Variants in LRMDA observed in about 807,000 individuals in gnomAD.
LRMDA encodes the protein leucine rich melanocyte differentiation associated, also known as leucine-rich melanocyte differentiation-associated protein.
A neutral mutation model predicts 29.8 loss-of-function variants in LRMDA; 18 were observed. The observed-to-expected ratio is 0.60, with a 90% CI of 0.42 to 0.90. The LOEUF is 0.90. Ranked by LOEUF, LRMDA falls within the 40% of genes least tolerant of loss-of-function variation. The pLI is 0.00. For missense variants in LRMDA, 273 were observed against 273.9 expected (o/e 1.00, Z 0.02); for synonymous variants, 125 against 109.4 (o/e 1.14, Z -0.89).
At chr10:75,551,205 A>G (rs1327494502) in intron 2 of LRMDA, among the ~76,000 whole-genome samples, 3 of 150,018 alleles carry the variant, frequency 2.0e-5, no homozygotes, top group Non-Finnish European at 4.4e-5. Context: ...AGGATGTTCC[A>G]CAGAAATAGA....
intron 2 of LRMDA, among the ~76,000 whole-genome samples, chr10:75,535,382 T>C: frequency 6.8e-6 from 1 of 146,606 alleles, no homozygotes; most frequent in South Asian, 2.1e-4. Context: ...ACTTACTTCT[T>C]ATTTATTTAT....
intron 6 of LRMDA, among the ~76,000 whole-genome samples, chr10:76,432,590 C>T (rs1293434990): frequency 6.6e-6 from 1 of 152,138 alleles, no homozygotes; most frequent in Non-Finnish European, 1.5e-5. Flanking sequence ...CCATTTTTAT[C>T]CATTCAATAC....
intron 2 of LRMDA, among the ~76,000 whole-genome samples, chr10:75,660,308 CT>C (rs1398362757): frequency 2.0e-5 from 3 of 152,196 alleles, no homozygotes; most frequent in Non-Finnish European, 4.4e-5. Context: ...GCACAATGAA[CT>C]TCAAAACCTA....
intron 2 of LRMDA, chr10:75,451,216 G>A (rs747609733): frequency 7.9e-5 from 12 of 152,172 alleles, no homozygotes; most frequent in Non-Finnish European, 1.5e-4. Flanking sequence ...TAATAATTGC[G>A]AAATCCTGTA....
Position 75,459,794 on chromosome 10 carries a change from C to G in LRMDA, c.131+21300C>G, listed in dbSNP as rs76176087. Among the ~76,000 whole-genome samples the G allele has an allele frequency of 2.9e-3, 449 of 152,270 alleles. 6 individuals carry two copies. The highest frequency in any genetic ancestry group is 0.01 in the African/African-American group (436 of 41,546). On this transcript the variant is annotated intron_variant, in intron 2 of 6. Transcript: ENST00000611255. ...GCTGCATCTGATGAGGGCCTTCTTG[C>G]TACATCATCGCATGGTGGAAGTGCA...
chr10:76,540,046 C>T (rs777357808), intron 6 of LRMDA, among the ~76,000 whole-genome samples: 13 of 151,828 alleles, frequency 8.6e-5, no homozygotes, highest in Non-Finnish European at 1.5e-4. Context: ...GATACACACA[C>T]GAAGTAGACA....
chr10:76,465,426 A>G (rs956100135), intron 6 of LRMDA, among the ~76,000 whole-genome samples: 3 of 152,144 alleles, frequency 2.0e-5, no homozygotes, highest in Non-Finnish European at 4.4e-5. Context: ...CACTACTGCC[A>G]TAAGAACCAA....
chr10:76,164,487 C>T (rs1850699689), intron 5 of LRMDA, among the ~76,000 whole-genome samples: 1 of 152,028 alleles, frequency 6.6e-6, no homozygotes, highest in African/African-American at 2.4e-5. Flanking sequence ...TTTGTTTTTA[C>T]ATATGAGCTA....
intron 2 of LRMDA, among the ~76,000 whole-genome samples, chr10:75,595,728 C>A (rs1840778580): frequency 6.6e-6 from 1 of 151,500 alleles, no homozygotes. Context: ...ATTTTTAACA[C>A]AAACTAGATG....
At chr10:76,018,723 A>ATATG (rs1554841038) in intron 2 of LRMDA, among the ~76,000 whole-genome samples, 1 of 151,266 alleles carries the variant, frequency 6.6e-6, no homozygotes, top group Non-Finnish European at 1.5e-5. Flanking sequence ...GTGCGCCACC[A>ATATG]TGTGCAGCTG....
intron 2 of LRMDA, among the ~76,000 whole-genome samples, chr10:75,971,977 T>G (rs776590724): frequency 6.6e-6 from 1 of 152,216 alleles, no homozygotes; most frequent in African/African-American, 2.4e-5. Context: ...ATGATCAGTC[T>G]TTCATATTTC....
In LRMDA at chr10:75,766,211, T is replaced by C. The variant is rs563711902; in HGVS notation, c.132-269797T>C. On this transcript the variant is annotated intron_variant, in intron 2 of 6. Transcript: ENST00000611255. Reference sequence around the variant, plus strand: ...GTAAGTCCAGTGTAGGAAGTGATTTTATCTTATTCACCAAAGTGGCACAGA... The same window carrying C: ...GTAAGTCCAGTGTAGGAAGTGATTTCATCTTATTCACCAAAGTGGCACAGA... Among the ~76,000 whole-genome samples, 5 of 152,308 alleles carry C rather than the reference T, an allele frequency of 3.3e-5. No homozygotes were observed. The East Asian group carries it at 9.7e-4, about 29-fold the overall frequency.
intron 5 of LRMDA, among the ~76,000 whole-genome samples, chr10:76,102,201 T>A (rs1849405314): frequency 6.6e-6 from 1 of 152,242 alleles, no homozygotes; most frequent in African/African-American, 2.4e-5. Context: ...TGTTTCCATC[T>A]TTTCACTATT....
intron 5 of LRMDA, among the ~76,000 whole-genome samples, chr10:76,294,592 A>T (rs976388184): frequency 6.6e-6 from 1 of 152,216 alleles, no homozygotes; most frequent in Non-Finnish European, 1.5e-5. Context: ...CTTTCAAAGT[A>T]TAAAGTTGGA....
chr10:75,956,376 A>G (rs543198350), intron 2 of LRMDA, among the ~76,000 whole-genome samples: 41 of 152,316 alleles, frequency 2.7e-4, no homozygotes, highest in East Asian at 9.6e-4. Flanking sequence ...GTGTTTGTCT[A>G]TTGGGGTCTC....
chr10:76,232,900 G>A, intron 5 of LRMDA, among the ~76,000 whole-genome samples: 1 of 152,148 alleles, frequency 6.6e-6, no homozygotes, highest in East Asian at 1.9e-4. Flanking sequence ...TGGTTTGGGG[G>A]TATGCAAAAA....
chr10:76,372,228 C>T (rs912631303), intron 6 of LRMDA, among the ~76,000 whole-genome samples: 8 of 152,158 alleles, frequency 5.3e-5, no homozygotes, highest in African/African-American at 1.7e-4. Flanking sequence ...CTACCAAAGT[C>T]CCTCTCATTT....
chr10:76,251,577 G>A (rs1229947245), intron 5 of LRMDA, among the ~76,000 whole-genome samples: 1 of 152,154 alleles, frequency 6.6e-6, no homozygotes, highest in Non-Finnish European at 1.5e-5. Flanking sequence ...AGTATCATGT[G>A]GACATTTAGC....
intron 6 of LRMDA, among the ~76,000 whole-genome samples, chr10:76,365,160 A>ACTT (rs918733201): frequency 1.4e-5 from 2 of 147,048 alleles, no homozygotes; most frequent in Non-Finnish European, 3.0e-5. Context: ...TGACTGGTGG[A>ACTT]CTTTTGGGTT....
Sources: allele counts gnomAD v4.1 joint callset (sites outside exome capture counted in the v4.1 genomes callset), GRCh38; gene constraint gnomAD v4.1.1; transcripts MANE v1.5; gene names NCBI Gene and HGNC (gene_info 2026-07-23, HGNC 2026-07-21).